The following SLC25A26 variants were observed in gnomAD, a reference collection of about 807,000 sequenced individuals.
The protein encoded by SLC25A26 is mitochondrial S-adenosylmethionine carrier protein.
SLC25A26 carries 36 observed loss-of-function variants against 37.8 expected under a neutral mutation model. That is an observed-to-expected ratio of 0.95 (90% CI 0.73 to 1.26). SLC25A26 has a LOEUF of 1.26. Among genes scored for constraint, SLC25A26 ranks in the 50% most tolerant of loss-of-function variants. The probability of loss-of-function intolerance (pLI) is 0.00; values close to 1 mark genes in which losing one functional copy is unlikely to be tolerated. For synonymous variants in SLC25A26, 129 were observed against 122.5 expected (o/e 1.05, Z -0.35); for missense variants, 390 against 331.1 (o/e 1.18, Z -1.38).
intron 1 of SLC25A26, among the ~76,000 whole-genome samples, chr3:66,194,842 C>T (rs2071016370): frequency 1.3e-5 from 2 of 152,332 alleles, no homozygotes; most frequent in African/African-American, 4.8e-5. Flanking sequence ...CCCAGGTGAT[C>T]CGCCCTCCTC....
intron 1 of SLC25A26, among the ~76,000 whole-genome samples, chr3:66,177,121 TC>T (rs1490680553): frequency 7.2e-5 from 11 of 152,178 alleles, no homozygotes; most frequent in Admixed American, 7.2e-4. Flanking sequence ...ATTGGAAGCC[TC>T]ATATGTTTAA....
At chr3:66,367,797 A>G (rs1302233272) in intron 7 of SLC25A26, among the ~76,000 whole-genome samples, 2 of 152,128 alleles carry the variant, frequency 1.3e-5, no homozygotes, top group African/African-American at 4.8e-5. Context: ...GGCAGAATAT[A>G]TGGTTAAAAG....
intron 5 of SLC25A26, among the ~76,000 whole-genome samples, chr3:66,323,331 A>G (rs2075746617): frequency 6.6e-6 from 1 of 152,232 alleles, no homozygotes; most frequent in Non-Finnish European, 1.5e-5. Flanking sequence ...GTCTTAATTA[A>G]TGTACTGTGT....
At chr3:66,180,219 G>A (rs891769529) in intron 1 of SLC25A26, among the ~76,000 whole-genome samples, 6 of 151,902 alleles carry the variant, frequency 3.9e-5, no homozygotes, top group African/African-American at 1.5e-4. Flanking sequence ...AACACTACGG[G>A]GATACAACCA....
intron 1 of SLC25A26, among the ~76,000 whole-genome samples, chr3:66,174,547 G>A (rs535647844): frequency 5.9e-5 from 9 of 152,288 alleles, no homozygotes; most frequent in Middle Eastern, 3.4e-3. Flanking sequence ...TCGGGAGGCC[G>A]AGGTGGGCGG....
chr3:66,336,490 GC>G (rs2076095165), intron 5 of SLC25A26, among the ~76,000 whole-genome samples: 4 of 152,172 alleles, frequency 2.6e-5, no homozygotes, highest in Admixed American at 1.3e-4. Context: ...AAAGTTGCAT[GC>G]AAATTCTAAC....
chr3:66,168,200 T>TATATACACAC (rs1553649663), intron 1 of SLC25A26, among the ~76,000 whole-genome samples: 1 of 115,484 alleles, frequency 8.7e-6, no homozygotes, highest in African/African-American at 3.3e-5. Context: ...TATATATATA[T>TATATACACAC]ACACACACAC....
intron 8 of SLC25A26, 48 bp downstream of exon 8, chr3:66,369,590 G>T (rs1212694743): frequency 6.9e-7 from 1 of 1,446,090 alleles, no homozygotes; most frequent in Admixed American, 1.9e-5. Flanking sequence ...GCTCATATCT[G>T]TTAGCACTAG....
intron 5 of SLC25A26, among the ~76,000 whole-genome samples, chr3:66,335,261 G>A (rs1259222939): frequency 6.6e-6 from 1 of 151,694 alleles, no homozygotes; most frequent in Non-Finnish European, 1.5e-5. Context: ...TGGTGGTGCT[G>A]TTTTCTATTA....
At chr3:66,282,876 T>A (rs1199138901) in intron 5 of SLC25A26, among the ~76,000 whole-genome samples, 1 of 152,192 alleles carries the variant, frequency 6.6e-6, no homozygotes, top group African/African-American at 2.4e-5. Context: ...CTGGCAACTT[T>A]AGCGATCTGT....
chr3:66,333,656 C>T (rs1575579797), intron 5 of SLC25A26, among the ~76,000 whole-genome samples: 1 of 152,058 alleles, frequency 6.6e-6, no homozygotes, highest in Non-Finnish European at 1.5e-5. Context: ...TATTAGGACC[C>T]AGGTCTGATT....
chr3:66,358,554 A>G (rs1384837103), intron 6 of SLC25A26, among the ~76,000 whole-genome samples: 4 of 152,232 alleles, frequency 2.6e-5, no homozygotes, highest in African/African-American at 9.6e-5. Context: ...TATAGATCCA[A>G]ACCCATGTGT....
chr3:66,374,368 T>C (rs1575626565), intron 9 of SLC25A26, among the ~76,000 whole-genome samples: 1 of 152,206 alleles, frequency 6.6e-6, no homozygotes, highest in East Asian at 1.9e-4. Flanking sequence ...TCGATGTTAC[T>C]GTAATTGTTT....
At chr3:66,168,791 C>T (rs965336470) in intron 1 of SLC25A26, among the ~76,000 whole-genome samples, 2 of 152,096 alleles carry the variant, frequency 1.3e-5, no homozygotes, top group Non-Finnish European at 2.9e-5. Flanking sequence ...AAAAATTGAT[C>T]GATAGCCATG....
intron 5 of SLC25A26, among the ~76,000 whole-genome samples, chr3:66,274,368 A>C (rs890213598): frequency 6.6e-6 from 1 of 151,960 alleles, no homozygotes; most frequent in Non-Finnish European, 1.5e-5. Context: ...AAACACCAAA[A>C]GCAATGGCAA....
intron 7 of SLC25A26, 75 bp downstream of exon 7, chr3:66,363,004 A>G (rs2076746478): frequency 2.0e-6 from 2 of 998,290 alleles, no homozygotes; most frequent in East Asian, 2.8e-5. Context: ...TGCAAAAACA[A>G]CATTCTTTAG....
chr3:66,331,452 A>C (rs950169862), intron 5 of SLC25A26, among the ~76,000 whole-genome samples: 3 of 152,128 alleles, frequency 2.0e-5, no homozygotes, highest in Admixed American at 6.5e-5. Context: ...TTTAAATCTC[A>C]TTTCCATGCC....
intron 5 of SLC25A26, among the ~76,000 whole-genome samples, chr3:66,325,933 C>A (rs372862159): frequency 3.9e-5 from 6 of 152,082 alleles, no homozygotes; most frequent in Admixed American, 3.9e-4. Context: ...AGAGATGAGT[C>A]GGGGTGTTGC....
chr3:66,268,301 C>T (rs376007004), intron 5 of SLC25A26, among the ~76,000 whole-genome samples: 2 of 152,262 alleles, frequency 1.3e-5, no homozygotes, highest in South Asian at 4.1e-4. Flanking sequence ...AAAGTATCGG[C>T]ATTTGTAATT....
Sources: gnomAD v4.1 joint callset for allele counts (sites outside exome capture counted in the v4.1 genomes callset) on GRCh38, gnomAD v4.1.1 for gene constraint, MANE v1.5 for transcripts, NCBI Gene and HGNC (gene_info 2026-07-23, HGNC 2026-07-21) for gene names.